THADA: variants seen among roughly 807,000 people sequenced by gnomAD.
The protein encoded by THADA is tRNA (32-2'-O)-methyltransferase regulator THADA.
THADA carries 213 observed loss-of-function variants against 219.8 expected under a neutral mutation model. That is an observed-to-expected ratio of 0.97 (90% CI 0.87 to 1.09). THADA has a LOEUF of 1.09. Ranked by LOEUF, THADA falls within the 50% of genes least tolerant of loss-of-function variation. The pLI is 0.00. For missense variants in THADA, 2,956 were observed against 2,311.3 expected (o/e 1.28, Z -5.72); for synonymous variants, 1,018 against 828.9 (o/e 1.23, Z -3.92).
In THADA at chr2:43,482,887, G is replaced by C. The variant is rs557494435; in HGVS notation, c.3836+2347C>G. Among the ~76,000 whole-genome samples the C allele has an allele frequency of 8.5e-4, 130 of 152,212 alleles. 1 individual carries two copies. Among genetic ancestry groups the C allele is most frequent in the Admixed American group, 2.0e-3 (30 of 15,276 alleles). On this transcript the variant is annotated intron_variant, in intron 26 of 37. Transcript: ENST00000405975. ...AATAGTTTGTTTTATCCTCACAATA[G>C]CCCTAGGAGTAGACAGCACAGATCT...
chr2:43,282,960 T>C (rs1444609545), intron 35 of THADA, among the ~76,000 whole-genome samples: 2 of 152,194 alleles, frequency 1.3e-5, no homozygotes, highest in South Asian at 2.1e-4. Flanking sequence ...GATACTAATA[T>C]GGTTTGGATT....
At chr2:43,437,843 T>C (rs1680314744) in intron 26 of THADA, among the ~76,000 whole-genome samples, 1 of 152,060 alleles carries the variant, frequency 6.6e-6, no homozygotes, top group Non-Finnish European at 1.5e-5. Context: ...AGAACATTTG[T>C]ATATATATAT....
chr2:43,274,983 C>G (rs1672550593), intron 36 of THADA, among the ~76,000 whole-genome samples: 1 of 138,858 alleles, frequency 7.2e-6, no homozygotes, highest in Admixed American at 7.3e-5. Context: ...GTTTTCCTTT[C>G]TTTTCTTTTC....
intron 36 of THADA, among the ~76,000 whole-genome samples, chr2:43,266,272 T>C (rs1039072198): frequency 8.5e-5 from 13 of 152,164 alleles, no homozygotes; most frequent in Non-Finnish European, 5.9e-5. Flanking sequence ...ACAATAGGTC[T>C]GCCTGTCATG....
intron 36 of THADA, among the ~76,000 whole-genome samples, chr2:43,248,318 C>CT (rs1032846693): frequency 2.6e-5 from 4 of 151,438 alleles, no homozygotes; most frequent in Non-Finnish European, 4.4e-5. Flanking sequence ...CAACCTCTGC[C>CT]TCTCGGGTTC....
chr2:43,383,366 C>A (rs932219839), intron 29 of THADA, among the ~76,000 whole-genome samples: 1 of 152,114 alleles, frequency 6.6e-6, no homozygotes, highest in Admixed American at 6.5e-5. Flanking sequence ...TAAAGAATTA[C>A]GTGACAGCTA....
At chr2:43,505,510 C>T (rs958631261) in intron 24 of THADA, 112 bp downstream of exon 24, 38 of 693,548 alleles carry the variant, frequency 5.5e-5, no homozygotes, top group Non-Finnish European at 7.6e-5. Flanking sequence ...GCTGAGATCG[C>T]GCCACTGTAC....
intron 28 of THADA, among the ~76,000 whole-genome samples, chr2:43,419,339 G>T (rs780720007): frequency 6.6e-6 from 1 of 152,184 alleles, no homozygotes; most frequent in Non-Finnish European, 1.5e-5. Flanking sequence ...AAGTGAGTGA[G>T]GAAGGAAAAA....
chr2:43,298,223 A>G (rs1175916003), intron 31 of THADA, among the ~76,000 whole-genome samples: 4 of 78,430 alleles, frequency 5.1e-5, no homozygotes, highest in Non-Finnish European at 9.1e-5. Flanking sequence ...AGAAGTAGAC[A>G]TGGGAGACTT....
chr2:43,395,192 A>G (rs1673878850), intron 29 of THADA, among the ~76,000 whole-genome samples: 1 of 152,244 alleles, frequency 6.6e-6, no homozygotes, highest in Admixed American at 6.5e-5. Flanking sequence ...GTGGATCTTC[A>G]GTAAAGAAAA....
At chr2:43,252,171 T>C (rs1669875239) in intron 36 of THADA, among the ~76,000 whole-genome samples, 1 of 152,170 alleles carries the variant, frequency 6.6e-6, no homozygotes, top group African/African-American at 2.4e-5. Flanking sequence ...TCCACATCCA[T>C]AAAGATGTCC....
intron 28 of THADA, among the ~76,000 whole-genome samples, chr2:43,405,465 G>A (rs2104742085): frequency 6.6e-6 from 1 of 152,252 alleles, no homozygotes; most frequent in East Asian, 1.9e-4. Flanking sequence ...TTCAGTGATG[G>A]CCAAGGTTGC....
chr2:43,515,890 A>T (rs1691661763), intron 22 of THADA, among the ~76,000 whole-genome samples: 1 of 152,156 alleles, frequency 6.6e-6, no homozygotes. Context: ...TCTACTAGAC[A>T]TGCCAAACTT....
chr2:43,373,764 C>T (rs1424773262), intron 29 of THADA, among the ~76,000 whole-genome samples: 4 of 152,150 alleles, frequency 2.6e-5, no homozygotes, highest in Non-Finnish European at 5.9e-5. Context: ...AGGCATGAGC[C>T]AATGAGCCTG....
At chr2:43,456,953 G>C (rs1683073016) in intron 26 of THADA, among the ~76,000 whole-genome samples, 3 of 151,940 alleles carry the variant, frequency 2.0e-5, no homozygotes, top group Admixed American at 2.0e-4. Flanking sequence ...TAAAATTTAG[G>C]TCTGGCATAA....
chr2:43,595,672 C>G (rs1156728470), intron 1 of THADA: 1 of 152,436 alleles, frequency 6.6e-6, no homozygotes, highest in African/African-American at 2.4e-5. Flanking sequence ...CGCTGCTTCA[C>G]TCTACACCTT....
At chr2:43,326,085 ATG>A (rs567997680) in intron 30 of THADA, among the ~76,000 whole-genome samples, 7 of 150,696 alleles carry the variant, frequency 4.6e-5, no homozygotes, top group Non-Finnish European at 1.0e-4. Context: ...GCATGATTTC[ATG>A]TGTGTGTGCA....
rs1423902001 is a variant in THADA, at chr2:43,514,650, ATATATTGTATATAATAATATATAATATAT to A, written c.3375-5899_3375-5871del. On this transcript the variant is annotated intron_variant, in intron 22 of 37. Transcript: ENST00000405975. Reference sequence around the variant, plus strand: ...TATATGTATATTTTATATATAATATATATATTGTATATAATAATATATAATATATTATATTATATATAATATATATAATA... The same window carrying A: ...TATATGTATATTTTATATATAATATATATATTATATATAATATATATAATA... Among the ~76,000 whole-genome samples the A allele has an allele frequency of 5.3e-5, 5 of 95,096 alleles. 1 individual carries two copies. The highest frequency in any genetic ancestry group is 2.4e-4 in the African/African-American group (5 of 21,124). 62.4% of individuals were successfully genotyped at this position (95,096 alleles called of 152,430 possible).
intron 36 of THADA, among the ~76,000 whole-genome samples, chr2:43,266,125 T>A (rs1321380246): frequency 1.3e-5 from 2 of 152,106 alleles, no homozygotes; most frequent in Non-Finnish European, 2.9e-5. Flanking sequence ...CCTGTCCCAG[T>A]GTAACCTGAC....
Sources: allele counts gnomAD v4.1 joint callset (sites outside exome capture counted in the v4.1 genomes callset), GRCh38; gene constraint gnomAD v4.1.1; transcripts MANE v1.5; gene names NCBI Gene and HGNC (gene_info 2026-07-23, HGNC 2026-07-21).